AGO1: variants seen among roughly 807,000 people sequenced by gnomAD.
AGO1 encodes protein argonaute-1.
AGO1 carries 11 observed loss-of-function variants against 109.2 expected under a neutral mutation model. That is an observed-to-expected ratio of 0.10 (90% confidence interval 0.06 to 0.17). AGO1 has a LOEUF of 0.17. Ranked by LOEUF, AGO1 falls within the 10% of genes least tolerant of loss-of-function variation. AGO1 has a pLI of 1.00. For synonymous variants in AGO1, 422 were observed against 418.6 expected, an observed-to-expected ratio of 1.01 and a Z score of -0.10; for missense variants, 574 against 1,140.3, an observed-to-expected ratio of 0.50 and a Z score of 7.15.
chr1:35,918,953 T>TAA, intron 17 of AGO1, 102 bp from the exon 18 acceptor site: 1 of 1,077,882 alleles, frequency 9.3e-7, no homozygotes, highest in South Asian at 1.4e-5. Flanking sequence ...TGTTCATGGG[T>TAA]GAATTATCTA....
chr1:35,917,999 A>G (rs1251942087), intron 16 of AGO1, among the ~76,000 whole-genome samples: 1 of 152,046 alleles, frequency 6.6e-6, no homozygotes, highest in Non-Finnish European at 1.5e-5. Context: ...GGGGAAGGGA[A>G]CTACCATTTA....
chr1:35,913,708 C>T (rs561609186), intron 12 of AGO1, 134 bp from the exon 13 acceptor site: 4 of 805,588 alleles, frequency 5.0e-6, no homozygotes, highest in Admixed American at 6.3e-5. Context: ...ATTTAGTAAG[C>T]ACTTTGAGAG....
intron 11 of AGO1, 119 bp from the exon 12 acceptor site, chr1:35,906,816 A>G: frequency 3.3e-6 from 3 of 907,682 alleles, no homozygotes; most frequent in Non-Finnish European, 4.9e-6. Flanking sequence ...AGGAAAAAAA[A>G]AAAAAAAAAC....
rs1273527169 is a variant in AGO1, at chr1:35,925,595, C to T, written c.*5988C>T. On this transcript the variant is annotated 3_prime_UTR_variant, in exon 19 of 19. Coordinates refer to ENST00000373204, the MANE Select transcript of AGO1 (RefSeq NM_012199.5). Reference sequence around the variant, plus strand: ...TATGTGCAAATATAATTGAAATAGGCTAGTAGTCTGTGGTTTATGAGTATG... The same window carrying T: ...TATGTGCAAATATAATTGAAATAGGTTAGTAGTCTGTGGTTTATGAGTATG... 1 of 151,598 alleles carries T rather than the reference C, an allele frequency of 6.6e-6. No individual in the cohort carries two copies. Among genetic ancestry groups the T allele is most frequent in the Non-Finnish European group, 1.5e-5 (1 of 67,968 alleles). The allele number at this position is 151,598 out of a possible 1,614,324, so 9.4% of individuals were successfully genotyped here.
intron 8 of AGO1, among the ~76,000 whole-genome samples, chr1:35,899,764 G>GA (rs1379601937): frequency 6.6e-6 from 1 of 152,218 alleles, no homozygotes; most frequent in Admixed American, 6.5e-5. Flanking sequence ...AGTATGTAAA[G>GA]AATGTTGGCC....
chr1:35,908,717 C>G (rs1645574279), intron 12 of AGO1, among the ~76,000 whole-genome samples: 1 of 151,934 alleles, frequency 6.6e-6, no homozygotes, highest in African/African-American at 2.4e-5. Context: ...CGGAGACAGT[C>G]TTGTCTTTTC....
chr1:35,903,897 A>AG (rs1165257436), intron 11 of AGO1, among the ~76,000 whole-genome samples: 3 of 151,558 alleles, frequency 2.0e-5, no homozygotes, highest in African/African-American at 7.3e-5. Context: ...CGGGAGGCAG[A>AG]GGTTGCAGTG....
intron 11 of AGO1, among the ~76,000 whole-genome samples, chr1:35,904,994 A>G (rs559422103): frequency 2.1e-4 from 32 of 152,124 alleles, no homozygotes; most frequent in Admixed American, 1.6e-3. Context: ...GCAACCCTCA[A>G]TTTTTTTCTG....
intron 15 of AGO1, among the ~76,000 whole-genome samples, chr1:35,917,172 T>G (rs1237479481): frequency 2.0e-5 from 3 of 152,226 alleles, no homozygotes; most frequent in Admixed American, 1.3e-4. Context: ...TATGGAACTA[T>G]ATGTCTGCTC....
At chr1:35,894,261 C>G in intron 6 of AGO1, 54 bp from the exon 7 acceptor site, 2 of 1,608,162 alleles carry the variant, frequency 1.2e-6, no homozygotes, top group Non-Finnish European at 1.7e-6. Flanking sequence ...AGAGACCAAG[C>G]CTGGGCACAT....
At chr1:35,892,763 C>A in intron 3 of AGO1, 86 bp downstream of exon 3, 3 of 1,541,542 alleles carry the variant, frequency 1.9e-6, no homozygotes, top group South Asian at 1.1e-5. Context: ...TCCAGAGATC[C>A]TTTTCATCTT....
At chr1:35,870,966 T>C (rs749527963) in intron 1 of AGO1, among the ~76,000 whole-genome samples, 3 of 152,248 alleles carry the variant, frequency 2.0e-5, no homozygotes, top group Non-Finnish European at 2.9e-5. Flanking sequence ...TCACAATTCA[T>C]GTATCTGTTC....
In AGO1 at chr1:35,930,052, T is replaced by TATGA. The variant is rs927327408; in HGVS notation, c.*10450_*10453dup. 6.6e-6 allele frequency: 1 copy of TATGA among 152,206 alleles called. No individual in the cohort carries two copies. Among genetic ancestry groups the TATGA allele is most frequent in the African/African-American group, 2.4e-5 (1 of 41,450 alleles). 9.4% of individuals were successfully genotyped at this position (152,206 alleles called of 1,614,324 possible). A position where few individuals can be genotyped will look rare whatever the true frequency, so the allele number is the denominator to read the frequency against. ...GAAGCATAGGGACATGGGGAGAAAT[T>TATGA]ATGAATGATTCCTCAGCCTGAATAA... On this transcript the variant is annotated 3_prime_UTR_variant, in exon 19 of 19. Transcript: ENST00000373204.
intron 1 of AGO1, chr1:35,873,434 C>G (rs1056276605): frequency 3.9e-5 from 6 of 153,242 alleles, no homozygotes; most frequent in African/African-American, 1.4e-4. Context: ...TCACTCATCT[C>G]GATGATGGTG....
At chr1:35,908,528 A>G (rs1645569551) in intron 12 of AGO1, among the ~76,000 whole-genome samples, 1 of 152,180 alleles carries the variant, frequency 6.6e-6, no homozygotes, top group South Asian at 2.1e-4. Context: ...ATCACCTATT[A>G]TGTATGGAAC....
chr1:35,879,895 G>A (rs1645022118), upstream of AGO1, among the ~76,000 whole-genome samples: 1 of 152,162 alleles, frequency 6.6e-6, no homozygotes, highest in African/African-American at 2.4e-5. Flanking sequence ...AGCTGCTTTG[G>A]AGATGGGTCA....
upstream of AGO1, chr1:35,883,126 T>A: frequency 9.1e-7 from 1 of 1,097,700 alleles, no homozygotes; most frequent in Non-Finnish European, 1.1e-6. This position sits in a 1 kb window ranked among gnomAD's most constrained non-coding sequence, Gnocchi z 5.4. Flanking sequence ...CCCCCGCCCC[T>A]CTCCATTGGC....
intron 3 of AGO1, 65 bp downstream of exon 3, chr1:35,892,742 C>T: frequency 6.2e-7 from 1 of 1,604,588 alleles, no homozygotes; most frequent in South Asian, 1.1e-5. Flanking sequence ...TCATGTAAGC[C>T]TCTTTGGAGA....
intron 8 of AGO1, among the ~76,000 whole-genome samples, chr1:35,900,035 T>G (rs944339236): frequency 6.6e-6 from 1 of 152,174 alleles, no homozygotes; most frequent in Non-Finnish European, 1.5e-5. Context: ...GGAGTGGAAG[T>G]CTTGTATGTC....
Sources: gnomAD v4.1 joint callset for allele counts (sites outside exome capture counted in the v4.1 genomes callset) on GRCh38, gnomAD v4.1.1 for gene constraint, Gnocchi (gnomAD v3.1) non-coding constraint, MANE v1.5 for transcripts, NCBI Gene and HGNC (gene_info 2026-07-23, HGNC 2026-07-21) for gene names.